The following ARPP21 variants were observed in gnomAD, a reference collection of about 807,000 sequenced individuals.
The protein encoded by ARPP21 is cAMP regulated phosphoprotein 21.
In ARPP21, 69 loss-of-function variants were observed where a neutral mutation model predicts 113.2. The observed-to-expected ratio is 0.61, with a 90% confidence interval of 0.50 to 0.74. The LOEUF (loss-of-function observed/expected upper bound fraction) is 0.74, where lower values mean the gene tolerates loss of function less well. Ranked by LOEUF, ARPP21 falls within the 30% of genes least tolerant of loss-of-function variation. ARPP21 has a pLI of 0.00. For missense variants in ARPP21, 1,070 were observed against 1,037.4 expected, an observed-to-expected ratio of 1.03 and a Z score of -0.43; for synonymous variants, 368 against 375.5, an observed-to-expected ratio of 0.98 and a Z score of 0.23.
chr3:35,749,477 C>G (rs1251754507), intron 19 of ARPP21, among the ~76,000 whole-genome samples: 4 of 137,396 alleles, frequency 2.9e-5, no homozygotes, highest in Non-Finnish European at 6.2e-5. Context: ...TATGTGTGTT[C>G]TATGTGTGTT....
At chr3:35,701,391 G>A (rs1030465892) in intron 9 of ARPP21, among the ~76,000 whole-genome samples, 3 of 151,568 alleles carry the variant, frequency 2.0e-5, no homozygotes, top group Admixed American at 2.0e-4. Context: ...TAAGTATATA[G>A]GTAAACTTGA....
intron 1 of ARPP21, among the ~76,000 whole-genome samples, chr3:35,676,399 G>A (rs1017973792): frequency 2.8e-5 from 2 of 71,200 alleles, no homozygotes; most frequent in African/African-American, 5.1e-5. Context: ...TAAAATGTCA[G>A]GCTCTTAGAT....
At chr3:35,669,445 A>G (rs946702499) in intron 1 of ARPP21, among the ~76,000 whole-genome samples, 4 of 152,164 alleles carry the variant, frequency 2.6e-5, no homozygotes, top group African/African-American at 9.7e-5. Context: ...ATCAAATTGT[A>G]AATTTGATTC....
At chr3:35,675,341 T>G (rs2077218821) in intron 1 of ARPP21, among the ~76,000 whole-genome samples, 1 of 151,848 alleles carries the variant, frequency 6.6e-6, no homozygotes, top group Non-Finnish European at 1.5e-5. Flanking sequence ...AAACTGAAAC[T>G]AACCTTGATG....
intron 19 of ARPP21, among the ~76,000 whole-genome samples, chr3:35,785,786 G>T (rs528498604): frequency 6.6e-6 from 1 of 152,134 alleles, no homozygotes; most frequent in Non-Finnish European, 1.5e-5. Flanking sequence ...GTTCCACTTA[G>T]GTAGGGCCTG....
At position 35,678,126 on chromosome 3, in the gene ARPP21, C is replaced by A. The variant is rs2077985703; in HGVS notation, c.-212-1661C>A. On this transcript the variant is annotated intron_variant, in intron 1 of 20. Coordinates refer to ENST00000684406, the MANE Select transcript of ARPP21 (RefSeq NM_001385562.1). ...TTAGTTATGTGAATATCAGTTTGTT[C>A]TTTCTCTCTTCCTGGAAAGAATTAT... is the stretch of plus-strand genomic sequence containing the variant. Among the ~76,000 whole-genome samples, 3 of 151,936 alleles carry A rather than the reference C, an allele frequency of 2.0e-5. No homozygotes were observed. In the South Asian group the frequency reaches 6.2e-4, roughly 31 times the overall value.
intron 19 of ARPP21, 108 bp downstream of exon 19, chr3:35,744,073 T>G: frequency 8.5e-7 from 1 of 1,179,036 alleles, no homozygotes; most frequent in South Asian, 1.3e-5. Flanking sequence ...CCAGCACATT[T>G]TCTCTACCCA....
At chr3:35,692,650 C>T (rs2082579884) in intron 9 of ARPP21, among the ~76,000 whole-genome samples, 1 of 151,618 alleles carries the variant, frequency 6.6e-6, no homozygotes, top group African/African-American at 2.4e-5. Context: ...ATGTTTTAGA[C>T]ATGTTTCCTC....
chr3:35,676,826 A>C (rs897128619), intron 1 of ARPP21, among the ~76,000 whole-genome samples: 2 of 151,898 alleles, frequency 1.3e-5, no homozygotes, highest in African/African-American at 4.8e-5. Context: ...AAAGGTTCAA[A>C]ATCTTTCTTA....
In ARPP21 at chr3:35,709,583, T is replaced by C. The variant is rs12630432; in HGVS notation, c.897+513T>C. On this transcript the variant is annotated intron_variant, in intron 11 of 20. Transcript: ENST00000684406. ...TTTCTCCTCAATTTCAAATCAAATC[T>C]GTGAACAGTTTGTCAAGGGAATAAT... is the stretch of plus-strand genomic sequence containing the variant. 9.6e-3 allele frequency among the ~76,000 whole-genome samples: 1,455 copies of C among 152,270 alleles called. 65 individuals are homozygous for C. In the East Asian group the frequency reaches 0.1, roughly 10 times the overall value.
At chr3:35,718,989 A>G (rs1423648681) in intron 13 of ARPP21, among the ~76,000 whole-genome samples, 1 of 150,934 alleles carries the variant, frequency 6.6e-6, no homozygotes, top group Non-Finnish European at 1.5e-5. Flanking sequence ...AACAGAGCTT[A>G]AAATATATGC....
At chr3:35,740,987 A>G (rs889682323) in intron 18 of ARPP21, among the ~76,000 whole-genome samples, 1 of 151,950 alleles carries the variant, frequency 6.6e-6, no homozygotes, top group Admixed American at 6.6e-5. Flanking sequence ...TTGTGGTCCT[A>G]CCTATTTGGG....
chr3:35,660,100 T>C (rs1470862300), intron 1 of ARPP21, among the ~76,000 whole-genome samples: 1 of 152,216 alleles, frequency 6.6e-6, no homozygotes, highest in African/African-American at 2.4e-5. Flanking sequence ...TCTCAGCTTT[T>C]GGACCTTGAC....
chr3:35,785,788 T>C (rs1020720293), intron 19 of ARPP21, among the ~76,000 whole-genome samples: 1 of 152,108 alleles, frequency 6.6e-6, no homozygotes, highest in Non-Finnish European at 1.5e-5. Flanking sequence ...TCCACTTAGG[T>C]AGGGCCTGTC....
In ARPP21 at chr3:35,668,244, T is replaced by C. The variant is rs930258112; in HGVS notation, c.-212-11543T>C. On this transcript the variant is annotated intron_variant, in intron 1 of 20. Transcript: ENST00000684406. ...GTGTATATTTTTTAATAAATTAAAATAAAATGGAAACCTAAAAAACAGAGC... is the reference window on the plus strand; with the variant it reads ...GTGTATATTTTTTAATAAATTAAAACAAAATGGAAACCTAAAAAACAGAGC... 4.6e-5 allele frequency among the ~76,000 whole-genome samples: 7 copies of C among 152,136 alleles called. No homozygotes were observed. The South Asian group carries it at 1.4e-3, about 31-fold the overall frequency.
Position 35,744,084 on chromosome 3 carries a change from G to C in ARPP21, c.2137+119G>C, listed in dbSNP as rs949182447. 18 of 1,075,394 alleles carry C rather than the reference G, an allele frequency of 1.7e-5. No individual in the cohort carries two copies. In the African/African-American group the frequency reaches 2.7e-4, roughly 16 times the overall value. The allele number at this position is 1,075,394 out of a possible 1,614,324, so 66.6% of individuals were successfully genotyped here. On this transcript the variant is annotated intron_variant, in intron 19 of 20. Transcript: ENST00000684406. ...TAAACCAGCACATTTTCTCTACCCA[G>C]AGAAGATAACAAAGCATTTGATTGA...
At chr3:35,650,451 T>C (rs1701950615) in intron 1 of ARPP21, 1 of 152,136 alleles carries the variant, frequency 6.6e-6, no homozygotes, top group African/African-American at 2.4e-5. Flanking sequence ...AATTGAGAGT[T>C]TCACAAAAAT....
At chr3:35,673,614 T>C (rs1318138391) in intron 1 of ARPP21, among the ~76,000 whole-genome samples, 2 of 152,016 alleles carry the variant, frequency 1.3e-5, no homozygotes, top group Non-Finnish European at 2.9e-5. Context: ...AATGTATATA[T>C]AGGAGTAAAC....
chr3:35,770,182 TG>T (rs1410295883), intron 19 of ARPP21, among the ~76,000 whole-genome samples: 2 of 152,370 alleles, frequency 1.3e-5, no homozygotes, highest in South Asian at 4.1e-4. Flanking sequence ...TCTGCTTCCC[TG>T]CATAGCCCCA....
Sources: gnomAD v4.1 joint callset for allele counts (sites outside exome capture counted in the v4.1 genomes callset) on GRCh38, gnomAD v4.1.1 for gene constraint, MANE v1.5 for transcripts, NCBI Gene and HGNC (gene_info 2026-07-23, HGNC 2026-07-21) for gene names.